Variants in CADM3 observed in about 807,000 individuals in gnomAD.
CADM3 encodes the protein TSLC1-like 1.
A neutral mutation model predicts 44.9 loss-of-function variants in CADM3; 11 were observed. That is an observed-to-expected ratio of 0.25 (90% CI 0.15 to 0.41). The LOEUF (loss-of-function observed/expected upper bound fraction) is 0.41, where lower values mean the gene tolerates loss of function less well. Ranked by LOEUF, CADM3 falls within the 10% of genes least tolerant of loss-of-function variation. CADM3 has a pLI of 1.00. For synonymous variants in CADM3, 207 were observed against 205.2 expected, an observed-to-expected ratio of 1.01 and a Z score of -0.08; for missense variants, 426 against 512.0, an observed-to-expected ratio of 0.83 and a Z score of 1.62.
At chr1:159,200,271 G>A (rs1650106370) in intron 8 of CADM3, among the ~76,000 whole-genome samples, 3 of 151,908 alleles carry the variant, frequency 2.0e-5, no homozygotes, top group Non-Finnish European at 4.4e-5. Context: ...TGATCTCATT[G>A]CCTTTCTTTC....
At chr1:159,189,719 A>G (rs1247988332) in intron 1 of CADM3, 11 of 1,360,816 alleles carry the variant, frequency 8.1e-6, no homozygotes, top group Middle Eastern at 1.9e-4. Flanking sequence ...AGAGCCCCAC[A>G]CTGTAGCAGG....
chr1:159,198,164 C>G (rs576672717), intron 7 of CADM3: 1 of 152,324 alleles, frequency 6.6e-6, no homozygotes, highest in South Asian at 2.1e-4. Flanking sequence ...AGTGCTGACG[C>G]CTGGTGGTAG....
intron 2 of CADM3, 79 bp downstream of exon 2, chr1:159,192,155 C>T (rs1649694030): frequency 4.1e-6 from 6 of 1,465,768 alleles, no homozygotes; most frequent in Non-Finnish European, 5.6e-6. Context: ...GGGAACTGTT[C>T]CTGTCATCCA....
intron 1 of CADM3, among the ~76,000 whole-genome samples, chr1:159,184,810 ACT>A (rs1445373036): frequency 1.3e-5 from 2 of 152,146 alleles, no homozygotes; most frequent in South Asian, 2.1e-4. Context: ...TATGTGTGAG[ACT>A]CTGTGCTATG....
At chr1:159,192,164 C>A (rs2102123200) in intron 2 of CADM3, 88 bp downstream of exon 2, 1 of 1,406,876 alleles carries the variant, frequency 7.1e-7, no homozygotes. Flanking sequence ...TCCTGTCATC[C>A]AGAGGCTGAG....
intron 1 of CADM3, among the ~76,000 whole-genome samples, chr1:159,183,050 C>T (rs950557047): frequency 6.6e-6 from 1 of 152,158 alleles, no homozygotes; most frequent in African/African-American, 2.4e-5. Flanking sequence ...ATTCCCAAAG[C>T]AGAAAACAAA....
Position 159,191,994 on chromosome 1 carries a change from G to A in CADM3, c.147G>A (p.Lys49=). ...TGGCTGGTGGCACCGTGGTGCTCAA[G>A]TGCCAAGTGAAAGATCACGAGGACT... The part of the protein sequence containing the change: ...TVVAGGTVVL[K]CQVKDHEDSS... The change falls in exon 2 of 9, where the codon AAG becomes AAA. Residue 49 remains lysine, a synonymous_variant. Coordinates refer to ENST00000368125, the MANE Select transcript of CADM3 (RefSeq NM_001127173.3). 1 of 1,614,148 alleles carries A rather than the reference G, an allele frequency of 6.2e-7. No individual in the cohort carries two copies. Among genetic ancestry groups the A allele is most frequent in the Non-Finnish European group, 8.5e-7 (1 of 1,180,032 alleles).
At chr1:159,184,307 G>A (rs985379037) in intron 1 of CADM3, among the ~76,000 whole-genome samples, 3 of 152,216 alleles carry the variant, frequency 2.0e-5, no homozygotes, top group African/African-American at 4.8e-5. Context: ...ATTCTGGGCC[G>A]CAGCCCCCAA....
chr1:159,183,951 C>CAG (rs1460888098), intron 1 of CADM3, among the ~76,000 whole-genome samples: 71 of 152,312 alleles, frequency 4.7e-4, no homozygotes, highest in African/African-American at 1.6e-3. Flanking sequence ...GTTAACTGTA[C>CAG]AGAGTTCCTT....
At position 159,187,797 on chromosome 1, in the gene CADM3, A is replaced by G. The variant is rs548307030; in HGVS notation, c.89-4139A>G. On this transcript the variant is annotated intron_variant, in intron 1 of 8. Coordinates refer to ENST00000368125, the MANE Select transcript of CADM3 (RefSeq NM_001127173.3). ...CCACGAACACACAACCGGAAAAACA[A>G]TATGAGCACTCACCACCTTCAGGTT... Among the ~76,000 whole-genome samples the G allele has an allele frequency of 2.6e-5, 4 of 152,216 alleles. No homozygotes were observed. The East Asian group carries it at 7.8e-4, about 30-fold the overall frequency.
intron 1 of CADM3, chr1:159,189,949 C>A: frequency 1.0e-6 from 1 of 967,856 alleles, no homozygotes; most frequent in Non-Finnish European, 1.6e-6. Flanking sequence ...ACTCATGTTG[C>A]CTTCACCACA....
rs35375382 is a variant in CADM3, at chr1:159,189,641, C to T, written c.89-2295C>T. On this transcript the variant is annotated intron_variant, in intron 1 of 8. Transcript: ENST00000368125. ...CCCCTTGGTAAGAACCCTACCTTCT[C>T]TTAGGTATCCTGGTGAACCTATTTT... is the stretch of plus-strand genomic sequence containing the variant. 639 of 679,532 alleles carry T rather than the reference C, an allele frequency of 9.4e-4. 6 individuals carry two copies. The African/African-American group carries it at 9.6e-3, about 10-fold the overall frequency. The allele number at this position is 679,532 out of a possible 1,614,324, so 42.1% of individuals were successfully genotyped here. A position where few individuals can be genotyped will look rare whatever the true frequency, so the allele number is the denominator to read the frequency against.
chr1:159,175,363 T>C (rs557680182), intron 1 of CADM3, among the ~76,000 whole-genome samples: 3 of 152,354 alleles, frequency 2.0e-5, no homozygotes, highest in Non-Finnish European at 2.9e-5. Flanking sequence ...TAGGTCCTAA[T>C]GTATGTAACG....
intron 1 of CADM3, among the ~76,000 whole-genome samples, chr1:159,189,021 G>T (rs1444904272): frequency 6.6e-6 from 1 of 152,120 alleles, no homozygotes; most frequent in Non-Finnish European, 1.5e-5. Context: ...AGGGGCTAAG[G>T]GTAGAGTAGG....
intron 7 of CADM3, among the ~76,000 whole-genome samples, chr1:159,199,231 A>T (rs1650040167): frequency 6.6e-6 from 1 of 151,936 alleles, no homozygotes; most frequent in Non-Finnish European, 1.5e-5. Context: ...GGCTCAGAAT[A>T]TCAAGCAGAC....
chr1:159,176,557 G>C (rs1489156263), intron 1 of CADM3, among the ~76,000 whole-genome samples: 1 of 152,210 alleles, frequency 6.6e-6, no homozygotes, highest in Non-Finnish European at 1.5e-5. Context: ...TCCAGGGCTA[G>C]AGACCTGTTT....
rs199545197 is a variant in CADM3 at position 159,199,859 on chromosome 1, A to G, written c.1061A>G (p.Tyr354Cys). Residue 354 changes from tyrosine (Y) to cysteine (C), a missense_variant, in exon 8 of 9, where the codon TAC becomes TGC. Physicochemically the swap from Tyr to Cys is radical, Grantham distance 194 (BLOSUM62 -2). Coordinates refer to ENST00000368125, the MANE Select transcript of CADM3 (RefSeq NM_001127173.3). ...LLIMLIFLGH[Y>C]LIRHKGTYLT... is the part of the protein sequence containing the mutation. ...ATCATGCTCATCTTCCTTGGCCACT[A>G]CTTGATCCGGCACAAAGGTCAGAGG... is the stretch of plus-strand genomic sequence containing the variant. 7.2e-5 allele frequency: 117 copies of G among 1,613,890 alleles called. No individual in the cohort carries two copies. Among genetic ancestry groups the G allele is most frequent in the South Asian group, 2.9e-4 (26 of 91,048 alleles).
intron 1 of CADM3, among the ~76,000 whole-genome samples, chr1:159,182,339 T>C (rs1649268432): frequency 6.6e-6 from 1 of 152,222 alleles, no homozygotes; most frequent in Non-Finnish European, 1.5e-5. Context: ...CTCAGTATCA[T>C]GCACAGGAGA....
intron 1 of CADM3, chr1:159,189,768 C>T: frequency 6.2e-7 from 1 of 1,601,642 alleles, no homozygotes; most frequent in African/African-American, 1.3e-5. Flanking sequence ...ATTCTCTCCC[C>T]AGGCTACTGG....
Sources: gnomAD v4.1 joint callset for allele counts (sites outside exome capture counted in the v4.1 genomes callset) on GRCh38, gnomAD v4.1.1 for gene constraint, MANE v1.5 for transcripts, NCBI Gene and HGNC (gene_info 2026-07-23, HGNC 2026-07-21) for gene names.